The following FAM81A variants were observed in gnomAD, a reference collection of about 807,000 sequenced individuals.
FAM81A encodes protein FAM81A.
A neutral mutation model predicts 46.7 loss-of-function variants in FAM81A; 19 were observed. The ratio of observed to expected loss-of-function variants is 0.41; its 90% confidence interval spans 0.28 to 0.60. FAM81A has a LOEUF of 0.60. Ranked by LOEUF, FAM81A falls within the 20% of genes least tolerant of loss-of-function variation. The probability of loss-of-function intolerance (pLI) is 0.34; values close to 1 mark genes in which losing one functional copy is unlikely to be tolerated. For synonymous variants in FAM81A, 183 were observed against 152.9 expected (o/e 1.20, Z -1.45); for missense variants, 377 against 453.5 (o/e 0.83, Z 1.53).
chr15:59,500,455 G>C (rs890524070), intron 4 of FAM81A, among the ~76,000 whole-genome samples: 2 of 151,654 alleles, frequency 1.3e-5, no homozygotes, highest in Non-Finnish European at 2.9e-5. Context: ...GCATCACCAT[G>C]CCCAGCTAAG....
At chr15:59,400,197 T>A (rs539193796) in intron 1 of FAM81A, among the ~76,000 whole-genome samples, 1 of 152,224 alleles carries the variant, frequency 6.6e-6, no homozygotes, top group South Asian at 2.1e-4. Context: ...TTCATTCCTC[T>A]TCAGTGTTCC....
chr15:59,421,859 AC>A, intron 2 of FAM81A, among the ~76,000 whole-genome samples: 1 of 145,124 alleles, frequency 6.9e-6, no homozygotes, highest in Non-Finnish European at 1.5e-5. Context: ...GACAGATTAA[AC>A]CCTCAACCCT....
intron 4 of FAM81A, among the ~76,000 whole-genome samples, chr15:59,499,888 T>C: frequency 6.7e-6 from 1 of 149,694 alleles, no homozygotes; most frequent in Non-Finnish European, 1.5e-5. Flanking sequence ...ACAGATACCC[T>C]GTCGCCCAGG....
rs571413921 is a variant in FAM81A, at chr15:59,504,247, T to A, written c.414-2966T>A. ...AAAAATCAGGGTCTACATTTGGCAT[T>A]ATTTTTAATCATCATTGACATGGGA... is the stretch of plus-strand genomic sequence containing the variant. On this transcript the variant is annotated intron_variant, in intron 4 of 8. Transcript: ENST00000288228. Among the ~76,000 whole-genome samples, 4 of 152,364 alleles carry A rather than the reference T, an allele frequency of 2.6e-5. No individual in the cohort carries two copies. In the East Asian group the frequency reaches 7.7e-4, roughly 29 times the overall value.
chr15:59,457,636 A>G (rs1182506041), intron 1 of FAM81A, among the ~76,000 whole-genome samples: 1 of 152,194 alleles, frequency 6.6e-6, no homozygotes, highest in Admixed American at 6.5e-5. Flanking sequence ...CTTGTTTGGC[A>G]TGAATGACTT....
At chr15:59,469,884 T>G (rs1420880190) in intron 3 of FAM81A, among the ~76,000 whole-genome samples, 1 of 152,214 alleles carries the variant, frequency 6.6e-6, no homozygotes, top group Non-Finnish European at 1.5e-5. Flanking sequence ...TAGTGCTTCC[T>G]TCAGGAGCTC....
chr15:59,479,728 G>A (rs981982750), intron 3 of FAM81A, among the ~76,000 whole-genome samples: 7 of 151,962 alleles, frequency 4.6e-5, no homozygotes, highest in Non-Finnish European at 8.8e-5. Flanking sequence ...AAGGGGACCA[G>A]TGGATGGAGT....
At chr15:59,431,181 C>G (rs566729747) in intron 2 of FAM81A, among the ~76,000 whole-genome samples, 12 of 152,088 alleles carry the variant, frequency 7.9e-5, no homozygotes, top group Non-Finnish European at 1.6e-4. Flanking sequence ...ATCACTCTTT[C>G]ACTCTTGGGG....
chr15:59,443,527 G>C (rs1460865681), intron 1 of FAM81A, among the ~76,000 whole-genome samples: 1 of 152,192 alleles, frequency 6.6e-6, no homozygotes, highest in Non-Finnish European at 1.5e-5. Context: ...CACGTTTGAA[G>C]GGTGCAGGTC....
chr15:59,471,421 A>G (rs1277784005), intron 3 of FAM81A, among the ~76,000 whole-genome samples: 1 of 152,148 alleles, frequency 6.6e-6, no homozygotes, highest in Non-Finnish European at 1.5e-5. Flanking sequence ...GTCTGGTATC[A>G]GTACAGGTAT....
At chr15:59,456,155 T>A (rs1424552337) in intron 1 of FAM81A, among the ~76,000 whole-genome samples, 1 of 152,004 alleles carries the variant, frequency 6.6e-6, no homozygotes, top group African/African-American at 2.4e-5. Flanking sequence ...GAGGGGCTAG[T>A]GGGGCTTTAA....
intron 3 of FAM81A, among the ~76,000 whole-genome samples, chr15:59,468,034 C>A (rs1451572503): frequency 1.3e-5 from 2 of 152,026 alleles, no homozygotes; most frequent in Non-Finnish European, 2.9e-5. Context: ...TATGTTGAAC[C>A]AACCTTGCAT....
At chr15:59,423,088 AT>A (rs1347262323) in intron 2 of FAM81A, among the ~76,000 whole-genome samples, 4 of 151,924 alleles carry the variant, frequency 2.6e-5, no homozygotes, top group African/African-American at 9.7e-5. Context: ...TATTATTATT[AT>A]TTTTTATTTT....
At chr15:59,453,648 C>T (rs2081446296) in intron 1 of FAM81A, among the ~76,000 whole-genome samples, 2 of 150,232 alleles carry the variant, frequency 1.3e-5, no homozygotes, top group South Asian at 4.2e-4. Flanking sequence ...ATGAGAGAGA[C>T]AGTAGAAGAA....
chr15:59,410,839 C>T (rs1347066560), intron 2 of FAM81A, among the ~76,000 whole-genome samples: 4 of 152,168 alleles, frequency 2.6e-5, no homozygotes, highest in Admixed American at 6.5e-5. Context: ...TGAATTCCAC[C>T]TGCTGAGTTC....
At chr15:59,479,958 A>G (rs1163544821) in intron 3 of FAM81A, among the ~76,000 whole-genome samples, 5 of 152,158 alleles carry the variant, frequency 3.3e-5, no homozygotes, top group African/African-American at 1.2e-4. Flanking sequence ...CACGCTGGCT[A>G]CTTCGTGGAG....
chr15:59,476,161 A>G (rs1317519026), intron 3 of FAM81A, among the ~76,000 whole-genome samples: 1 of 152,038 alleles, frequency 6.6e-6, no homozygotes, highest in East Asian at 1.9e-4. Context: ...CTCATGACCT[A>G]ATCACCTCTT....
chr15:59,481,233 G>A (rs1460478158), intron 3 of FAM81A, among the ~76,000 whole-genome samples: 1 of 152,074 alleles, frequency 6.6e-6, no homozygotes, highest in Non-Finnish European at 1.5e-5. Flanking sequence ...CCTGGGCTCA[G>A]GCAATCCTCC....
intron 3 of FAM81A, among the ~76,000 whole-genome samples, chr15:59,485,704 C>G (rs573213334): frequency 5.9e-5 from 9 of 152,302 alleles, no homozygotes; most frequent in Admixed American, 3.3e-4. Context: ...TCAAGACCAT[C>G]TAGGAAAACA....
Sources: gnomAD v4.1 joint callset for allele counts (sites outside exome capture counted in the v4.1 genomes callset) on GRCh38, gnomAD v4.1.1 for gene constraint, MANE v1.5 for transcripts, NCBI Gene and HGNC (gene_info 2026-07-23, HGNC 2026-07-21) for gene names.